Variants in GFAP observed in about 807,000 individuals in gnomAD.
The protein encoded by GFAP is intermediate filament protein.
Under a neutral mutation model 49.3 loss-of-function variants are expected in GFAP, and 38 were observed. The ratio of observed to expected loss-of-function variants is 0.77; its 90% CI spans 0.60 to 1.01. The LOEUF (loss-of-function observed/expected upper bound fraction) is 1.01, where lower values mean the gene tolerates loss of function less well. Ranked by LOEUF, GFAP falls within the 50% of genes least tolerant of loss-of-function variation. The probability of loss-of-function intolerance (pLI) is 0.00; values close to 1 mark genes in which losing one functional copy is unlikely to be tolerated. For missense variants in GFAP, 463 were observed against 579.1 expected (o/e 0.80, Z 2.06); for synonymous variants, 222 against 236.4 (o/e 0.94, Z 0.56).
chr17:44,914,695 G>A, intron 1 of GFAP: 1 of 401,070 alleles, frequency 2.5e-6, no homozygotes, highest in Non-Finnish European at 4.6e-6. Context: ...CACAGGCTCA[G>A]AATAGGTGAG....
In GFAP at chr17:44,913,250, G is replaced by A; in HGVS notation, c.780+19C>T. On this transcript the variant is annotated intron_variant, in intron 4 of 8. Coordinates refer to ENST00000588735, the MANE Select transcript of GFAP (RefSeq NM_002055.5). ...AAGGGCTGCCTGGAGGAGGCAGGCTGGCCCACAGGCAGGGCTACCTTGGAG... is the reference window on the plus strand; with the variant it reads ...AAGGGCTGCCTGGAGGAGGCAGGCTAGCCCACAGGCAGGGCTACCTTGGAG... 6.2e-7 allele frequency: 1 copy of A among 1,612,286 alleles called. No homozygotes were observed. Among genetic ancestry groups the A allele is most frequent in the Non-Finnish European group, 8.5e-7 (1 of 1,178,448 alleles).
intron 7 of GFAP, chr17:44,910,103 C>T: frequency 6.2e-7 from 1 of 1,613,848 alleles, no homozygotes; most frequent in Non-Finnish European, 8.5e-7. Flanking sequence ...CCCTGTCAAG[C>T]TGGGCAAAGC....
rs1467058414 is a variant in GFAP, at chr17:44,914,025, G to C, written c.522+3C>G. Reference sequence around the variant, plus strand: ...CCCTGCCCCTCCCCTCCACCTCCCTGACCTGTCTATAGGCAGCCAGGTTGT... The same window carrying C: ...CCCTGCCCCTCCCCTCCACCTCCCTCACCTGTCTATAGGCAGCCAGGTTGT... On this transcript the variant is annotated splice_donor_region_variant and intron_variant, in intron 2 of 8. Transcript: ENST00000588735. 6.4e-7 allele frequency: 1 copy of C among 1,551,616 alleles called. No homozygotes were observed. Among genetic ancestry groups the C allele is most frequent in the South Asian group, 1.2e-5 (1 of 84,824 alleles).
At chr17:44,914,746 A>G in intron 1 of GFAP, 1 of 510,100 alleles carries the variant, frequency 2.0e-6, no homozygotes, top group Non-Finnish European at 3.5e-6. Context: ...TGAATGAAAC[A>G]CAGGGGCCCC....
chr17:44,912,273 G>A (rs542978826), intron 4 of GFAP: 96 of 160,882 alleles, frequency 6.0e-4, no homozygotes, highest in Non-Finnish European at 1.1e-3. Flanking sequence ...ACAGGCATGC[G>A]CCACTACACC....
chr17:44,913,704 T>C (rs1321371134), intron 3 of GFAP, 24 bp downstream of exon 3: 1 of 1,554,486 alleles, frequency 6.4e-7, no homozygotes, highest in Non-Finnish European at 8.9e-7. Context: ...GTGTTGAGCT[T>C]TCCTCCCTCT....
At position 44,913,234 on chromosome 17, in the gene GFAP, C is replaced by T. The variant is rs766962218; in HGVS notation, c.780+35G>A. ...TCTTGTACAGAGCAAGAAGGGCTGC[C>T]TGGAGGAGGCAGGCTGGCCCACAGG... On this transcript the variant is annotated intron_variant, in intron 4 of 8. Transcript: ENST00000588735. 4 of 1,606,818 alleles carry T rather than the reference C, an allele frequency of 2.5e-6. No homozygotes were observed. The East Asian group carries it at 8.9e-5, about 36-fold the overall frequency.
chr17:44,915,158 G>C lies in GFAP; in HGVS notation c.329C>G (p.Thr110Ser), dbSNP rs147282497. 2.0e-4 allele frequency: 328 copies of C among 1,614,160 alleles called. 4 individuals are homozygous for C. In the Middle Eastern group the frequency reaches 0.01, roughly 50 times the overall value. Residue 110 changes from threonine to serine, a missense_variant, in exon 1 of 9, where the codon ACC becomes AGC. Transcript: ENST00000588735. This position sits in a 1 kb window ranked among gnomAD's most constrained non-coding sequence, Gnocchi z 4.1. ...ELNQLRAKEPTKLADVYQAEL... is the reference protein window; with the variant it reads ...ELNQLRAKEPSKLADVYQAEL... Reference sequence around the variant, plus strand: ...AGCCTGGTAGACGTCTGCCAGCTTGGTGGGCTCCTTGGCCCGCAGCTGGTT... The same window carrying C: ...AGCCTGGTAGACGTCTGCCAGCTTGCTGGGCTCCTTGGCCCGCAGCTGGTT...
chr17:44,910,864 C>T lies in GFAP; in HGVS notation c.1128-206G>A, dbSNP rs377612396. 8.9e-5 allele frequency: 60 copies of T among 670,872 alleles called. No individual in the cohort carries two copies. The South Asian group carries it at 9.4e-4, about 11-fold the overall frequency. 41.6% of individuals were successfully genotyped at this position (670,872 alleles called of 1,614,324 possible). ...GGGCTTGAGTGTTATCTGGGAGGGG[C>T]GCATGTCTATCTGAAGGAAGATGGA... On this transcript the variant is annotated intron_variant, in intron 6 of 8. Coordinates refer to ENST00000588735, the MANE Select transcript of GFAP (RefSeq NM_002055.5).
chr17:44,903,732 C>A lies in GFAP; in HGVS notation c.*3615G>T, dbSNP rs891508585. On this transcript the variant is annotated 3_prime_UTR_variant, in exon 9 of 9. Transcript: ENST00000588735. ...TTTCCTGGCTGCATAATCCTTTCCT[C>A]ATCTAGAGGCTTCCGCTTAGCAGAG... 14 of 1,451,370 alleles carry A rather than the reference C, an allele frequency of 9.6e-6. No homozygotes were observed. In the African/African-American group the frequency reaches 1.9e-4, roughly 19 times the overall value. The allele number at this position is 1,451,370 out of a possible 1,614,324, so 89.9% of individuals were successfully genotyped here. A position where few individuals can be genotyped will look rare whatever the true frequency, so the allele number is the denominator to read the frequency against.
chr17:44,913,934 A>T (rs1208925397), intron 2 of GFAP, 94 bp downstream of exon 2: 1 of 1,305,526 alleles, frequency 7.7e-7, no homozygotes, highest in Non-Finnish European at 1.1e-6. Flanking sequence ...GGAGCAGCAC[A>T]TTGCTCTGGC....
intron 5 of GFAP, 43 bp from the exon 6 acceptor site, chr17:44,911,499 C>CTTGGGGAGGT (rs758723177): frequency 2.6e-6 from 4 of 1,567,294 alleles, no homozygotes; most frequent in Non-Finnish European, 3.5e-6. Context: ...CCCGACCCGA[C>CTTGGGGAGGT]TTGGGGAGGT....
Position 44,903,994 on chromosome 17 carries a change from CA to C in GFAP, c.*3352del. On this transcript the variant is annotated 3_prime_UTR_variant, in exon 9 of 9. Coordinates refer to ENST00000588735, the MANE Select transcript of GFAP (RefSeq NM_002055.5). ...TGAGCTTTGAGCTTCCCTGTCACTG[CA>C]AACCCGAAGAGGTGCCAGCTGTAGT... is the stretch of plus-strand genomic sequence containing the variant. 1.3e-6 allele frequency: 2 copies of C among 1,550,644 alleles called. No individual in the cohort carries two copies. Among genetic ancestry groups the C allele is most frequent in the Non-Finnish European group, 1.7e-6 (2 of 1,147,008 alleles).
chr17:44,914,099 G>A lies in GFAP; in HGVS notation c.462-11C>T, dbSNP rs184208563. 7.0e-5 allele frequency: 109 copies of A among 1,546,816 alleles called. No homozygotes were observed. Among genetic ancestry groups the A allele is most frequent in the Admixed American group, 1.2e-4 (6 of 51,098 alleles). ...GTTTCATCCTGGAGCCTGGAGTGGG[G>A]GGACACATTCCTGGGTCCAGGCTCT... is the stretch of plus-strand genomic sequence containing the variant. On this transcript the variant is annotated splice_polypyrimidine_tract_variant and intron_variant, in intron 1 of 8. Transcript: ENST00000588735.
chr17:44,910,903 A>T (rs2051747414), intron 6 of GFAP: 1 of 619,034 alleles, frequency 1.6e-6, no homozygotes, highest in African/African-American at 1.8e-5. Flanking sequence ...GGGAGGGGAA[A>T]GTGGTGAAGA....
chr17:44,913,739 T>C lies in GFAP; in HGVS notation c.607A>G (p.Ile203Val), dbSNP rs2145638476. Residue 203 changes from isoleucine (I) to valine (V), a missense_variant, in exon 3 of 9, where the codon ATC becomes GTC. Physicochemically the swap from Ile to Val is conservative, Grantham distance 29. Transcript: ENST00000588735. ...LEEEIRFLRK[I>V]HEEEVRELQE... ...TGCCCTGGCCTCACCTCCTCGTGGA[T>C]CTTCCTCAAGAACCGGATCTCCTCC... 1 of 1,613,206 alleles carries C rather than the reference T, an allele frequency of 6.2e-7. No homozygotes were observed.
rs572215341 is a variant in GFAP, at chr17:44,912,126, T to G, written c.781-329A>C. ...TTTGTGTGTTTTTGTTTTTTTGTTT[T>G]TTTTGTTTTATTTTGAGACAGAGTC... On this transcript the variant is annotated intron_variant, in intron 4 of 8. Transcript: ENST00000588735. 5.9e-3 allele frequency among the ~76,000 whole-genome samples: 897 copies of G among 151,820 alleles called. 10 individuals are homozygous for G. Among genetic ancestry groups the G allele is most frequent in the African/African-American group, 0.021 (860 of 41,188 alleles).
At position 44,911,677 on chromosome 17, in the gene GFAP, C is replaced by G. The variant is rs1265636628; in HGVS notation, c.901G>C (p.Gly301Arg). The G allele has an allele frequency of 4.3e-6, 7 of 1,612,938 alleles. No homozygotes were observed. The highest frequency in any genetic ancestry group is 2.2e-5 in the South Asian group (2 of 91,070). ...CCTGCCCTGGCCGCGCTCACCGTGC[C>G]GCGCAGAGACTCCAGGTCGCAGGTC... ...SLTCDLESLRGTNESLERQMR... is the reference protein window; with the variant it reads ...SLTCDLESLRRTNESLERQMR... Residue 301 changes from glycine to arginine, a missense_variant, in exon 5 of 9, where the codon GGC (glycine) becomes CGC (arginine). By Grantham distance (125) the Gly-to-Arg change is moderately radical. Coordinates refer to ENST00000588735, the MANE Select transcript of GFAP (RefSeq NM_002055.5).
Position 44,912,869 on chromosome 17 carries a change from AGGCTCCCAAGTGAGATGTGCTAGAGTT to A in GFAP, c.780+373_780+399del. On this transcript the variant is annotated intron_variant, in intron 4 of 8. Transcript: ENST00000588735. ...ACAGACTGGCAGAGGCATGGAATGC[AGGCTCCCAAGTGAGATGTGCTAGAGTT>A]GGAAATCCAACTCTACCACTTAGGA... is the stretch of plus-strand genomic sequence containing the variant. 6 of 282,018 alleles carry A rather than the reference AGGCTCCCAAGTGAGATGTGCTAGAGTT, an allele frequency of 2.1e-5. No homozygotes were observed. The South Asian group carries it at 2.3e-4, about 11-fold the overall frequency. The allele number at this position is 282,018 out of a possible 1,614,324, so 17.5% of individuals were successfully genotyped here.
Sources: gnomAD v4.1 joint callset for allele counts (sites outside exome capture counted in the v4.1 genomes callset) on GRCh38, gnomAD v4.1.1 for gene constraint, Gnocchi (gnomAD v3.1) non-coding constraint, MANE v1.5 for transcripts, NCBI Gene and HGNC (gene_info 2026-07-23, HGNC 2026-07-21) for gene names.